The following EDIL3 variants were observed in gnomAD, a reference collection of about 807,000 sequenced individuals.
EDIL3 encodes the protein EGF like and discoidin domains 3, also known as EGF-like repeat and discoidin I-like domain-containing protein 3.
Under a neutral mutation model 67.4 loss-of-function variants are expected in EDIL3, and 37 were observed. The observed-to-expected ratio is 0.55, with a 90% CI of 0.42 to 0.72. EDIL3 has a LOEUF of 0.72. EDIL3 is among the 30% of genes least tolerant of loss of function. EDIL3 has a pLI of 0.00. For missense variants in EDIL3, 527 were observed against 586.3 expected (o/e 0.90, Z 1.04); for synonymous variants, 195 against 196.3 (o/e 0.99, Z 0.05).
chr5:84,366,082 A>T (rs540714298), intron 1 of EDIL3, among the ~76,000 whole-genome samples: 1 of 152,190 alleles, frequency 6.6e-6, no homozygotes, highest in Non-Finnish European at 1.5e-5. Context: ...GTTATAGCTC[A>T]AAGACTGAAG....
chr5:83,966,659 CT>C (rs534725984), intron 9 of EDIL3, among the ~76,000 whole-genome samples: 70 of 152,078 alleles, frequency 4.6e-4, no homozygotes, highest in African/African-American at 1.6e-3. Context: ...ACTTCCTGAT[CT>C]GAGAAATGAG....
At chr5:84,377,307 C>CA (rs773972385) in intron 1 of EDIL3, among the ~76,000 whole-genome samples, 2,501 of 67,732 alleles carry the variant, frequency 0.037, 87 homozygotes, top group African/African-American at 0.11. Flanking sequence ...GACTCCGTCT[C>CA]AAAAAAAAAA....
At chr5:84,145,435 T>C (rs772012917) in intron 4 of EDIL3, among the ~76,000 whole-genome samples, 1 of 152,118 alleles carries the variant, frequency 6.6e-6, no homozygotes, top group Non-Finnish European at 1.5e-5. Flanking sequence ...GCCGTATCAA[T>C]CAACTTAAGG....
At chr5:84,073,110 A>G (rs988756436) in intron 6 of EDIL3, among the ~76,000 whole-genome samples, 1 of 152,202 alleles carries the variant, frequency 6.6e-6, no homozygotes, top group Non-Finnish European at 1.5e-5. Context: ...TGATTATCTC[A>G]ATAGATGCAG....
intron 3 of EDIL3, among the ~76,000 whole-genome samples, chr5:84,190,415 T>C (rs1028260214): frequency 6.6e-6 from 1 of 151,884 alleles, no homozygotes; most frequent in South Asian, 2.1e-4. Flanking sequence ...CACATCAGCT[T>C]GCAGTGCAAA....
intron 4 of EDIL3, among the ~76,000 whole-genome samples, chr5:84,176,025 C>T (rs1748897812): frequency 6.6e-6 from 1 of 151,350 alleles, no homozygotes; most frequent in African/African-American, 2.4e-5. Flanking sequence ...ATGGAAGTTA[C>T]AAAAGTGATT....
chr5:84,260,636 T>A (rs998634186), intron 1 of EDIL3, among the ~76,000 whole-genome samples: 20 of 152,232 alleles, frequency 1.3e-4, no homozygotes, highest in Non-Finnish European at 1.5e-5. Flanking sequence ...TTAATGTATT[T>A]ACATAGTACT....
intron 4 of EDIL3, among the ~76,000 whole-genome samples, chr5:84,145,746 A>G (rs573092212): frequency 1.6e-4 from 24 of 152,192 alleles, no homozygotes; most frequent in South Asian, 4.1e-4. Flanking sequence ...TTGGTAAATA[A>G]AAACAGAGAG....
At chr5:84,161,190 G>A (rs115315897) in intron 4 of EDIL3, among the ~76,000 whole-genome samples, 1,551 of 151,950 alleles carry the variant, frequency 0.01, 26 homozygotes, top group African/African-American at 0.036. Context: ...TTTTATGTCT[G>A]AGTAGTATTC....
chr5:83,950,837 C>T (rs917991870), intron 10 of EDIL3, among the ~76,000 whole-genome samples: 1 of 151,734 alleles, frequency 6.6e-6, no homozygotes, highest in African/African-American at 2.4e-5. Context: ...AGAAATACTA[C>T]TTTGTCCATC....
intron 3 of EDIL3, among the ~76,000 whole-genome samples, chr5:84,220,343 C>T (rs1477341927): frequency 6.6e-6 from 1 of 152,064 alleles, no homozygotes; most frequent in African/African-American, 2.4e-5. Flanking sequence ...TTATACAGAA[C>T]AGGATAAAAT....
intron 1 of EDIL3, among the ~76,000 whole-genome samples, chr5:84,345,788 C>T (rs535675084): frequency 3.3e-5 from 5 of 152,120 alleles, no homozygotes; most frequent in East Asian, 3.9e-4. Flanking sequence ...AAAAAGAAAA[C>T]GTAGTCAAAG....
At position 84,040,856 on chromosome 5, in the gene EDIL3, G is replaced by C. The variant is rs532845364; in HGVS notation, c.1137+19444C>G. Among the ~76,000 whole-genome samples, 321 of 152,294 alleles carry C rather than the reference G, an allele frequency of 2.1e-3. 1 individual carries two copies. The highest frequency in any genetic ancestry group is 7.5e-3 in the African/African-American group (313 of 41,578). On this transcript the variant is annotated intron_variant, in intron 9 of 10. Transcript: ENST00000296591. The stretch of plus-strand genomic sequence containing the variant: ...CCATTAGAATGGGACTTCAGGCCAG[G>C]CACAGCGGCTCACGCCTGTAATCCC...
intron 4 of EDIL3, among the ~76,000 whole-genome samples, chr5:84,139,856 G>A (rs567434267): frequency 6.6e-6 from 1 of 152,192 alleles, no homozygotes; most frequent in South Asian, 2.1e-4. Context: ...TCCAAGCAGG[G>A]AGCCAGAATG....
rs143252298 is a variant in EDIL3 at position 84,379,242 on chromosome 5, G to A, written c.67+5066C>T. ...TGGAACTACAAGTTATCAGTTAAAGGTCAATTGCAATCAAAATAAATTAGT... is the reference window on the plus strand; with the variant it reads ...TGGAACTACAAGTTATCAGTTAAAGATCAATTGCAATCAAAATAAATTAGT... On this transcript the variant is annotated intron_variant, in intron 1 of 10. Transcript: ENST00000296591. 2.0e-5 allele frequency among the ~76,000 whole-genome samples: 3 copies of A among 152,292 alleles called. No homozygotes were observed. The East Asian group carries it at 5.8e-4, about 29-fold the overall frequency.
intron 9 of EDIL3, among the ~76,000 whole-genome samples, chr5:84,022,320 T>A (rs374804762): frequency 1.4e-4 from 21 of 152,052 alleles, no homozygotes; most frequent in African/African-American, 4.8e-4. Flanking sequence ...AAAAACCATA[T>A]GATAATCTCA....
intron 1 of EDIL3, among the ~76,000 whole-genome samples, chr5:84,261,894 A>C (rs1745228408): frequency 6.6e-6 from 1 of 152,166 alleles, no homozygotes; most frequent in Non-Finnish European, 1.5e-5. Flanking sequence ...TAGGTTTTCA[A>C]ATGCTAAGGG....
chr5:84,104,027 C>T (rs1307424212), intron 6 of EDIL3, among the ~76,000 whole-genome samples: 1 of 152,058 alleles, frequency 6.6e-6, no homozygotes, highest in African/African-American at 2.4e-5. Context: ...CCATGGAATA[C>T]TATGCAGCTG....
intron 1 of EDIL3, among the ~76,000 whole-genome samples, chr5:84,336,076 T>C (rs549768512): frequency 2.6e-5 from 4 of 152,302 alleles, no homozygotes; most frequent in Admixed American, 2.0e-4. Flanking sequence ...TACTATCACA[T>C]TGGTGATTAA....
Sources: allele counts gnomAD v4.1 joint callset (sites outside exome capture counted in the v4.1 genomes callset), GRCh38; gene constraint gnomAD v4.1.1; transcripts MANE v1.5; gene names NCBI Gene and HGNC (gene_info 2026-07-23, HGNC 2026-07-21).